The following ANO3 variants were observed in gnomAD, a reference collection of about 807,000 sequenced individuals.
The protein encoded by ANO3 is anoctamin-3.
Under a neutral mutation model 144.8 loss-of-function variants are expected in ANO3, and 99 were observed. That is an observed-to-expected ratio of 0.68 (90% CI 0.58 to 0.81). ANO3 has a LOEUF of 0.81. Among genes scored for constraint, ANO3 ranks in the 30% least tolerant of loss-of-function variants. ANO3 has a pLI of 0.00. For synonymous variants in ANO3, 414 were observed against 392.6 expected (o/e 1.05, Z -0.64); for missense variants, 905 against 1,202.2 (o/e 0.75, Z 3.66).
At chr11:26,639,755 T>G (rs959954580) in intron 21 of ANO3, among the ~76,000 whole-genome samples, 1 of 152,296 alleles carries the variant, frequency 6.6e-6, no homozygotes, top group East Asian at 1.9e-4. Context: ...AACAATAGCA[T>G]TCTATTTTCA....
intron 17 of ANO3, among the ~76,000 whole-genome samples, chr11:26,610,986 T>TC (rs1246343545): frequency 6.6e-6 from 1 of 152,162 alleles, no homozygotes; most frequent in Non-Finnish European, 1.5e-5. Context: ...CTGTAATGTG[T>TC]CCTTTTTCAT....
At chr11:26,300,356 TC>T (rs1434302710) in intron 1 of ANO3, among the ~76,000 whole-genome samples, 4 of 152,114 alleles carry the variant, frequency 2.6e-5, no homozygotes. Flanking sequence ...TCTCTCTCTC[TC>T]ATTTGCTCTC....
intron 14 of ANO3, among the ~76,000 whole-genome samples, chr11:26,582,397 A>T (rs1851158428): frequency 6.6e-6 from 1 of 152,194 alleles, no homozygotes; most frequent in Non-Finnish European, 1.5e-5. Context: ...GAATAGACGA[A>T]GACCTTAGTT....
intron 1 of ANO3, among the ~76,000 whole-genome samples, chr11:26,196,845 G>C (rs757781911): frequency 6.6e-6 from 1 of 152,128 alleles, no homozygotes; most frequent in Non-Finnish European, 1.5e-5. Flanking sequence ...TGTATAAAAT[G>C]TTCACTATTT....
intron 19 of ANO3, 28 bp from the exon 20 acceptor site, chr11:26,634,985 G>A (rs759038106): frequency 1.9e-6 from 3 of 1,594,556 alleles, no homozygotes; most frequent in Non-Finnish European, 2.6e-6. Context: ...CCACTTAAAT[G>A]CTAATGAACT....
chr11:26,371,355 T>C (rs1334534262), intron 1 of ANO3, among the ~76,000 whole-genome samples: 1 of 152,250 alleles, frequency 6.6e-6, no homozygotes. Context: ...TGCTTGGACA[T>C]GCCTGGATGT....
intron 1 of ANO3, among the ~76,000 whole-genome samples, chr11:26,289,571 C>T (rs1236528245): frequency 4.0e-4 from 44 of 111,102 alleles, no homozygotes; most frequent in African/African-American, 1.6e-3. Context: ...TGTACATATA[C>T]ACATATATCC....
chr11:26,256,962 C>T (rs2133823987), intron 1 of ANO3, among the ~76,000 whole-genome samples: 1 of 152,106 alleles, frequency 6.6e-6, no homozygotes, highest in African/African-American at 2.4e-5. Context: ...GCTAAACATC[C>T]TACAACTCAT....
intron 16 of ANO3, 42 bp downstream of exon 16, chr11:26,599,040 A>T: frequency 1.3e-6 from 2 of 1,597,802 alleles, no homozygotes; most frequent in Non-Finnish European, 1.7e-6. Context: ...TGGGATTCTA[A>T]ATTTAGAAGT....
intron 1 of ANO3, among the ~76,000 whole-genome samples, chr11:26,223,066 G>T (rs563307887): frequency 6.6e-6 from 1 of 151,524 alleles, no homozygotes; most frequent in South Asian, 2.1e-4. Context: ...TCTATCACAT[G>T]GCTAGGCTGT....
chr11:26,370,759 G>A (rs1488144939), intron 1 of ANO3, among the ~76,000 whole-genome samples: 1 of 152,140 alleles, frequency 6.6e-6, no homozygotes, highest in African/African-American at 2.4e-5. Flanking sequence ...CTGGAGTAAA[G>A]GTCACTCTTG....
chr11:26,550,218 TTAA>T (rs60946545), intron 12 of ANO3, among the ~76,000 whole-genome samples: 3,839 of 143,858 alleles, frequency 0.027, 95 homozygotes, highest in Admixed American at 0.08. Context: ...ACACAATTAA[TTAA>T]TGTTTTATTA....
At chr11:26,508,504 T>C (rs549488045) in intron 5 of ANO3, 21 of 405,312 alleles carry the variant, frequency 5.2e-5, no homozygotes, top group Non-Finnish European at 8.6e-5. Context: ...TTTTAAAAAC[T>C]GAATAAGGAA....
intron 4 of ANO3, among the ~76,000 whole-genome samples, chr11:26,480,810 AAAC>A (rs1860185483): frequency 6.9e-6 from 1 of 144,954 alleles, no homozygotes; most frequent in South Asian, 2.1e-4. Context: ...CCTGTCTCAA[AAAC>A]AATATAAATA....
At chr11:26,470,342 G>A (rs1459764601) in intron 4 of ANO3, among the ~76,000 whole-genome samples, 1 of 151,190 alleles carries the variant, frequency 6.6e-6, no homozygotes, top group East Asian at 2.0e-4. Context: ...AGCCTGAGAG[G>A]TGGAGGCTAC....
chr11:26,395,510 T>C (rs1342173328), intron 1 of ANO3, among the ~76,000 whole-genome samples: 1 of 152,148 alleles, frequency 6.6e-6, no homozygotes, highest in Admixed American at 6.6e-5. Flanking sequence ...GTAAGTTATA[T>C]TCCTAGATAT....
rs1473231197 is a variant in ANO3, at chr11:26,662,319, C to CT, written c.*1875_*1876insT. ...TTCCAGAGAGGTTCTCATGCTCCCC[C>CT]CCCTCCTTATTTGTAGCAATCGTAG... On this transcript the variant is annotated 3_prime_UTR_variant, in exon 27 of 27. Coordinates refer to ENST00000256737, the MANE Select transcript of ANO3 (RefSeq NM_031418.4). 5.9e-5 allele frequency: 9 copies of CT among 151,966 alleles called. No individual in the cohort carries two copies. The highest frequency in any genetic ancestry group is 2.2e-4 in the African/African-American group (9 of 41,440). The allele number at this position is 151,966 out of a possible 1,614,324, so 9.4% of individuals were successfully genotyped here. A position where few individuals can be genotyped will look rare whatever the true frequency, so the allele number is the denominator to read the frequency against.
chr11:26,472,843 G>T (rs978467284), intron 4 of ANO3, among the ~76,000 whole-genome samples: 1 of 151,754 alleles, frequency 6.6e-6, no homozygotes, highest in Non-Finnish European at 1.5e-5. Context: ...ATCAAAATAT[G>T]AATATTTTGA....
chr11:26,376,334 C>T (rs868594901), intron 1 of ANO3, among the ~76,000 whole-genome samples: 1 of 151,752 alleles, frequency 6.6e-6, no homozygotes, highest in South Asian at 2.1e-4. Flanking sequence ...TGATTAAACA[C>T]TTAAAAAAAA....
Sources: allele counts gnomAD v4.1 joint callset (sites outside exome capture counted in the v4.1 genomes callset), GRCh38; gene constraint gnomAD v4.1.1; transcripts MANE v1.5; gene names NCBI Gene and HGNC (gene_info 2026-07-23, HGNC 2026-07-21).